The following NTRK3 variants were observed in gnomAD, a reference collection of about 807,000 sequenced individuals.
NTRK3 encodes NT-3 growth factor receptor.
In NTRK3, 24 loss-of-function variants were observed where a neutral mutation model predicts 91.7. That is an observed-to-expected ratio of 0.26 (90% confidence interval 0.19 to 0.37). The LOEUF is 0.37. Among genes scored for constraint, NTRK3 ranks in the 10% least tolerant of loss-of-function variants. NTRK3 has a pLI of 1.00. For synonymous variants in NTRK3, 483 were observed against 404.0 expected, an observed-to-expected ratio of 1.20 and a Z score of -2.34; for missense variants, 880 against 1,068.9, an observed-to-expected ratio of 0.82 and a Z score of 2.46.
At chr15:87,988,867 TA>T (rs2075059413) in intron 14 of NTRK3, among the ~76,000 whole-genome samples, 5 of 152,316 alleles carry the variant, frequency 3.3e-5, no homozygotes, top group Admixed American at 3.3e-4. Context: ...AAGTCATACA[TA>T]ATAACAAACA....
At chr15:88,068,438 C>G (rs1196696589) in intron 13 of NTRK3, among the ~76,000 whole-genome samples, 1 of 151,702 alleles carries the variant, frequency 6.6e-6, no homozygotes, top group Non-Finnish European at 1.5e-5. Context: ...CTCAAAAAAA[C>G]AAAACAAAAC....
chr15:88,102,933 T>A (rs2050327951), intron 13 of NTRK3, among the ~76,000 whole-genome samples: 1 of 152,230 alleles, frequency 6.6e-6, no homozygotes, highest in Non-Finnish European at 1.5e-5. Context: ...CCCTGCCATA[T>A]GACTCACAGC....
rs1312236084 is a variant in NTRK3 at position 88,234,864 on chromosome 15, G to T, written c.248+21042C>A. Among the ~76,000 whole-genome samples, 1 of 151,994 alleles carries T rather than the reference G, an allele frequency of 6.6e-6. No homozygotes were observed. The highest frequency in any genetic ancestry group is 2.4e-5 in the African/African-American group (1 of 41,386). ...CCTCTCCAACCTCCCACTCCCACCA[G>T]CGCACCCTACTCAGCCCTGCTCCCA... is the stretch of plus-strand genomic sequence containing the variant. On this transcript the variant is annotated intron_variant, in intron 3 of 18. Transcript: ENST00000394480. This position sits in a 1 kb window ranked among gnomAD's most constrained non-coding sequence, Gnocchi z 6.1.
chr15:88,021,630 A>C (rs2077601467), intron 14 of NTRK3, among the ~76,000 whole-genome samples: 1 of 152,194 alleles, frequency 6.6e-6, no homozygotes, highest in Non-Finnish European at 1.5e-5. Context: ...TTCAGAGAAC[A>C]ATTTGCAAAA....
At chr15:88,043,844 C>G (rs1195928616) in intron 13 of NTRK3, among the ~76,000 whole-genome samples, 1 of 152,134 alleles carries the variant, frequency 6.6e-6, no homozygotes, top group Non-Finnish European at 1.5e-5. Context: ...CTTATAGGCA[C>G]TGGCTGATAT....
intron 14 of NTRK3, among the ~76,000 whole-genome samples, chr15:88,027,865 A>G (rs2078173985): frequency 6.6e-6 from 1 of 152,226 alleles, no homozygotes; most frequent in South Asian, 2.1e-4. Context: ...AGGCTGACCT[A>G]TGATTTGGCT....
At chr15:88,050,018 G>A (rs1308523614) in intron 13 of NTRK3, among the ~76,000 whole-genome samples, 1 of 152,026 alleles carries the variant, frequency 6.6e-6, no homozygotes, top group Non-Finnish European at 1.5e-5. Context: ...ACTCTGAATG[G>A]GCTATTGACT....
At chr15:88,181,312 C>T (rs1018015556) in intron 5 of NTRK3, among the ~76,000 whole-genome samples, 18 of 152,150 alleles carry the variant, frequency 1.2e-4, no homozygotes, top group African/African-American at 2.4e-4. Flanking sequence ...CAGCCTCTAT[C>T]GCTGCCACCA....
At chr15:88,040,853 C>T (rs982700675) in intron 13 of NTRK3, among the ~76,000 whole-genome samples, 2 of 152,216 alleles carry the variant, frequency 1.3e-5, no homozygotes, top group African/African-American at 4.8e-5. Context: ...TTGCTGGGCA[C>T]TTTCTTCTCA....
At chr15:88,115,163 G>C (rs2051898118) in intron 13 of NTRK3, among the ~76,000 whole-genome samples, 1 of 152,196 alleles carries the variant, frequency 6.6e-6, no homozygotes. Context: ...CTGGGCAACA[G>C]CAAACAGTGT....
chr15:87,972,921 G>A (rs187672242), intron 14 of NTRK3, among the ~76,000 whole-genome samples: 48 of 152,240 alleles, frequency 3.2e-4, no homozygotes, highest in South Asian at 1.7e-3. Flanking sequence ...TACCTTCTAC[G>A]TCCCTGTGGG....
At chr15:87,878,961 C>A (rs1362966409) in intron 18 of NTRK3, among the ~76,000 whole-genome samples, 3 of 150,910 alleles carry the variant, frequency 2.0e-5, no homozygotes, top group Non-Finnish European at 4.4e-5. Context: ...GTGTTCCTAA[C>A]CCTTCCTCCC....
intron 17 of NTRK3, among the ~76,000 whole-genome samples, chr15:87,915,121 T>A (rs1034100130): frequency 6.6e-6 from 1 of 152,062 alleles, no homozygotes; most frequent in African/African-American, 2.4e-5. Context: ...GTGGTGGTGG[T>A]GGTGACAAAA....
At position 88,204,284 on chromosome 15, in the gene NTRK3, T is replaced by A. The variant is rs980235880; in HGVS notation, c.249-19985A>T. Among the ~76,000 whole-genome samples the A allele has an allele frequency of 3.0e-4, 45 of 152,168 alleles. 1 individual carries two copies. The highest frequency in any genetic ancestry group is 1.1e-3 in the African/African-American group (45 of 41,436). ...CACCTGCTCTCGCCAGTCTTGGGAT[T>A]TCTCTCCTTCTGGCATACTCTCTCC... On this transcript the variant is annotated intron_variant, in intron 3 of 18. Transcript: ENST00000394480.
At chr15:88,099,035 C>T (rs1422704023) in intron 13 of NTRK3, 4 of 231,176 alleles carry the variant, frequency 1.7e-5, no homozygotes, top group East Asian at 6.1e-5. Context: ...GGGTGATGAA[C>T]GACAAGATGT....
At chr15:88,084,286 AT>A (rs2150685534) in intron 13 of NTRK3, among the ~76,000 whole-genome samples, 1 of 152,194 alleles carries the variant, frequency 6.6e-6, no homozygotes, top group African/African-American at 2.4e-5. Flanking sequence ...GGAGACACAG[AT>A]GCTAAAAGCA....
intron 13 of NTRK3, among the ~76,000 whole-genome samples, chr15:88,047,720 A>AAGG (rs1255928980): frequency 6.6e-6 from 1 of 152,170 alleles, no homozygotes; most frequent in African/African-American, 2.4e-5. Context: ...GTTCTATTAA[A>AAGG]AGGAGGGCGA....
intron 14 of NTRK3, among the ~76,000 whole-genome samples, chr15:87,993,625 G>T (rs753078977): frequency 1.3e-5 from 2 of 152,078 alleles, no homozygotes; most frequent in African/African-American, 4.8e-5. Flanking sequence ...TCCCCCAAAG[G>T]CCTAGAAAAA....
chr15:88,144,777 G>C (rs886536820), intron 6 of NTRK3, among the ~76,000 whole-genome samples: 3 of 152,122 alleles, frequency 2.0e-5, no homozygotes, highest in African/African-American at 7.2e-5. Flanking sequence ...AGATGCTCAA[G>C]ATGTGCCTCT....
Sources: allele counts gnomAD v4.1 joint callset (sites outside exome capture counted in the v4.1 genomes callset), GRCh38; gene constraint gnomAD v4.1.1; non-coding constraint Gnocchi (gnomAD v3.1); transcripts MANE v1.5; gene names NCBI Gene and HGNC (gene_info 2026-07-23, HGNC 2026-07-21).